Variants in XKR9 observed in about 807,000 individuals in gnomAD.
XKR9 encodes the protein XK related 9.
Under a neutral mutation model 32.0 loss-of-function variants are expected in XKR9, and 32 were observed. That is an observed-to-expected ratio of 1.00 (90% CI 0.76 to 1.34). The LOEUF (loss-of-function observed/expected upper bound fraction) is 1.34, where lower values mean the gene tolerates loss of function less well. XKR9 is among the 40% of genes most tolerant of loss of function. XKR9 has a pLI of 0.00. For missense variants in XKR9, 546 were observed against 429.7 expected (o/e 1.27, Z -2.39); for synonymous variants, 168 against 143.4 (o/e 1.17, Z -1.22).
the XKR9 span, among the ~76,000 whole-genome samples, chr8:70,977,811 A>G: frequency 1.5e-4 from 23 of 152,260 alleles, 1 homozygote; most frequent in Admixed American, 1.3e-3. Flanking sequence ...TCTCTCATTG[A>G]TCTGTCTAAT....
intron 3 of XKR9, among the ~76,000 whole-genome samples, chr8:70,706,340 T>G (rs948758880): frequency 6.6e-6 from 1 of 152,106 alleles, no homozygotes; most frequent in Admixed American, 6.5e-5. Flanking sequence ...TTTATATATT[T>G]TCTGGGATGG....
chr8:71,062,957 C>G, the XKR9 span, among the ~76,000 whole-genome samples: 15 of 152,098 alleles, frequency 9.9e-5, no homozygotes, highest in Non-Finnish European at 8.8e-5. Context: ...TACATTTACT[C>G]CCTAAACTCC....
At chr8:70,841,019 C>T in the XKR9 span, among the ~76,000 whole-genome samples, 2 of 152,046 alleles carry the variant, frequency 1.3e-5, no homozygotes, top group South Asian at 2.1e-4. Context: ...CATTATGTTT[C>T]CATTTTACAA....
chr8:70,681,290 T>C lies in XKR9; in HGVS notation c.232T>C (p.Phe78Leu). The change falls in exon 3 of 5, where the codon TTT becomes CTT. Residue 78 changes from phenylalanine to leucine, a missense_variant. Transcript: ENST00000408926. ...AGCAGGCCAAGAAAGTCAGCATTGTTTTCTTCTACTTCATTGCTTGCAAGG... is the reference window on the plus strand; with the variant it reads ...AGCAGGCCAAGAAAGTCAGCATTGTCTTCTTCTACTTCATTGCTTGCAAGG... ...KKAGQESQHC[F>L]LLLHCLQGGV... The C allele has an allele frequency of 1.2e-6, 2 of 1,613,226 alleles. No homozygotes were observed. Among genetic ancestry groups the C allele is most frequent in the African/African-American group, 1.3e-5 (1 of 74,988 alleles).
chr8:70,732,201 T>C (rs895669929), intron 4 of XKR9, among the ~76,000 whole-genome samples: 3 of 152,158 alleles, frequency 2.0e-5, no homozygotes, highest in African/African-American at 7.2e-5. Context: ...ATCATGGGGC[T>C]ACCGAACCAT....
intron 2 of XKR9, among the ~76,000 whole-genome samples, chr8:70,765,668 G>T (rs1433279628): frequency 6.6e-6 from 1 of 152,178 alleles, no homozygotes; most frequent in Non-Finnish European, 1.5e-5. Context: ...TTTTAGTCAT[G>T]AAGTCGTTGC....
chr8:70,782,557 C>T (rs1807631428), intron 2 of XKR9, among the ~76,000 whole-genome samples: 1 of 151,674 alleles, frequency 6.6e-6, no homozygotes, highest in African/African-American at 2.4e-5. Context: ...GATTTTGTAC[C>T]TTTTGATCAT....
chr8:71,003,031 C>A, the XKR9 span, among the ~76,000 whole-genome samples: 1 of 152,220 alleles, frequency 6.6e-6, no homozygotes, highest in African/African-American at 2.4e-5. Flanking sequence ...TCAAAGCAAA[C>A]CCCTTCAACA....
chr8:71,065,264 A>G, the XKR9 span, among the ~76,000 whole-genome samples: 1 of 152,168 alleles, frequency 6.6e-6, no homozygotes, highest in African/African-American at 2.4e-5. Flanking sequence ...GTTAAGGTTA[A>G]GTGAGGTAAG....
At chr8:70,868,834 C>T in the XKR9 span, among the ~76,000 whole-genome samples, 2 of 152,216 alleles carry the variant, frequency 1.3e-5, no homozygotes, top group Non-Finnish European at 2.9e-5. Context: ...CTCTGCTTCC[C>T]TTATAATTCT....
chr8:70,928,439 T>C, the XKR9 span, among the ~76,000 whole-genome samples: 1 of 152,198 alleles, frequency 6.6e-6, no homozygotes, highest in African/African-American at 2.4e-5. Context: ...GATAAAAATA[T>C]CTGTTGAAAA....
chr8:70,828,717 T>A, the XKR9 span, among the ~76,000 whole-genome samples: 2 of 122,418 alleles, frequency 1.6e-5, no homozygotes, highest in African/African-American at 3.1e-5. Flanking sequence ...GAAGACTATG[T>A]CTCAAAAAAA....
chr8:70,797,127 T>C, the XKR9 span, among the ~76,000 whole-genome samples: 5 of 152,204 alleles, frequency 3.3e-5, no homozygotes, highest in Admixed American at 3.3e-4. Flanking sequence ...CCTTTTCAAC[T>C]AACACTTCAG....
chr8:70,712,123 G>A (rs1805938728), intron 4 of XKR9, among the ~76,000 whole-genome samples: 3 of 152,038 alleles, frequency 2.0e-5, no homozygotes, highest in Non-Finnish European at 4.4e-5. Context: ...AACAGTATAA[G>A]CACATAAGGA....
the XKR9 span, among the ~76,000 whole-genome samples, chr8:70,942,134 T>G: frequency 6.6e-6 from 1 of 152,162 alleles, no homozygotes; most frequent in Non-Finnish European, 1.5e-5. Flanking sequence ...TATTTTCACT[T>G]ATAACTTTGT....
intron 2 of XKR9, among the ~76,000 whole-genome samples, chr8:70,679,688 A>G (rs1381677391): frequency 6.6e-6 from 1 of 152,212 alleles, no homozygotes; most frequent in East Asian, 1.9e-4. Flanking sequence ...AATGTTGGCA[A>G]TTAATTAGGA....
chr8:70,694,499 A>G (rs1805192210), intron 3 of XKR9, among the ~76,000 whole-genome samples: 1 of 152,162 alleles, frequency 6.6e-6, no homozygotes, highest in Non-Finnish European at 1.5e-5. Flanking sequence ...AAAGAATGGG[A>G]TCAGGTACCT....
chr8:70,721,801 G>A (rs1295716224), intron 4 of XKR9, among the ~76,000 whole-genome samples: 1 of 152,182 alleles, frequency 6.6e-6, no homozygotes, highest in African/African-American at 2.4e-5. Flanking sequence ...GGAGAATTGT[G>A]TAGATGTCTA....
chr8:70,844,148 C>T, the XKR9 span, among the ~76,000 whole-genome samples: 1 of 152,166 alleles, frequency 6.6e-6, no homozygotes, highest in Non-Finnish European at 1.5e-5. Flanking sequence ...GGGAAAGTTA[C>T]CACAGACAGC....
Sources: allele counts gnomAD v4.1 joint callset (sites outside exome capture counted in the v4.1 genomes callset), GRCh38; gene constraint gnomAD v4.1.1; transcripts MANE v1.5; gene names NCBI Gene and HGNC (gene_info 2026-07-23, HGNC 2026-07-21).